The following RIMS2 variants were observed in gnomAD, a reference collection of about 807,000 sequenced individuals.
RIMS2 encodes regulating synaptic membrane exocytosis 2, also known as regulating synaptic membrane exocytosis protein 2.
Under a neutral mutation model 174.4 loss-of-function variants are expected in RIMS2, and 59 were observed. The ratio of observed to expected loss-of-function variants is 0.34; its 90% CI spans 0.27 to 0.42. RIMS2 has a LOEUF of 0.42. Ranked by LOEUF, RIMS2 falls within the 10% of genes least tolerant of loss-of-function variation. The pLI is 1.00. For missense variants in RIMS2, 1,620 were observed against 1,666.3 expected, an observed-to-expected ratio of 0.97 and a Z score of 0.48; for synonymous variants, 606 against 572.5, an observed-to-expected ratio of 1.06 and a Z score of -0.84.
chr8:103,789,578 G>A (rs1405368314), intron 3 of RIMS2, among the ~76,000 whole-genome samples: 1 of 152,136 alleles, frequency 6.6e-6, no homozygotes, highest in Non-Finnish European at 1.5e-5. Context: ...CAAGGGGAGG[G>A]ATGATGACCA....
intron 19 of RIMS2, among the ~76,000 whole-genome samples, chr8:104,226,292 T>C (rs1157328628): frequency 6.6e-6 from 1 of 152,160 alleles, no homozygotes; most frequent in Non-Finnish European, 1.5e-5. Flanking sequence ...GCTAGTCTCT[T>C]TTTTTTATTC....
At chr8:103,747,207 G>A (rs373651638) in intron 2 of RIMS2, among the ~76,000 whole-genome samples, 103 of 150,296 alleles carry the variant, frequency 6.9e-4, no homozygotes, top group African/African-American at 2.4e-3. Context: ...TCGTCATCTA[G>A]CATTAGGTAT....
chr8:103,846,866 G>A (rs1248442481), intron 3 of RIMS2, among the ~76,000 whole-genome samples: 2 of 152,012 alleles, frequency 1.3e-5, no homozygotes, highest in African/African-American at 4.8e-5. Flanking sequence ...CCTCATCCCT[G>A]CAGAGTCTGA....
intron 13 of RIMS2, among the ~76,000 whole-genome samples, chr8:103,939,376 C>T (rs2082024879): frequency 6.6e-6 from 1 of 152,186 alleles, no homozygotes; most frequent in Non-Finnish European, 1.5e-5. Flanking sequence ...CAAGCTGTAG[C>T]TTGGCTCCTT....
At chr8:104,012,209 A>G (rs538589331) in intron 17 of RIMS2, among the ~76,000 whole-genome samples, 79 of 152,140 alleles carry the variant, frequency 5.2e-4, no homozygotes, top group African/African-American at 1.8e-3. Flanking sequence ...ATGTTACCCT[A>G]TGACTTTAAA....
chr8:103,723,540 T>C (rs114231712), intron 2 of RIMS2, among the ~76,000 whole-genome samples: 1,793 of 152,266 alleles, frequency 0.012, 40 homozygotes, highest in African/African-American at 0.042. Flanking sequence ...GTGTGTGGCC[T>C]GTAGTCTGCA....
chr8:103,741,100 A>G (rs4734728), intron 2 of RIMS2, among the ~76,000 whole-genome samples: 3 of 151,942 alleles, frequency 2.0e-5, no homozygotes, highest in African/African-American at 7.2e-5. Context: ...TTAATACACA[A>G]TTGTTTAAAA....
intron 18 of RIMS2, among the ~76,000 whole-genome samples, chr8:104,014,130 G>A (rs1034755265): frequency 1.3e-5 from 2 of 152,054 alleles, no homozygotes; most frequent in African/African-American, 4.8e-5. Flanking sequence ...AAAAATCTCT[G>A]GATCAAGGGA....
intron 1 of RIMS2, among the ~76,000 whole-genome samples, chr8:103,664,380 T>G (rs1205762288): frequency 6.6e-6 from 1 of 152,202 alleles, no homozygotes. Context: ...TCTACCCATC[T>G]GACAAAGGGC....
Position 104,248,561 on chromosome 8 carries a change from TG to T in RIMS2, c.3477-137del, listed in dbSNP as rs1203437408. ...AAGGAAGAGTCCTGGGAGGTGGAAC[TG>T]GGTATTTGGATCCAGTAAATATAAG... is the stretch of plus-strand genomic sequence containing the variant. On this transcript the variant is annotated intron_variant, in intron 20 of 23. Transcript: ENST00000504942. 4 of 620,796 alleles carry T rather than the reference TG, an allele frequency of 6.4e-6. No homozygotes were observed. In the Admixed American group the frequency reaches 1.1e-4, roughly 16 times the overall value. 38.5% of individuals were successfully genotyped at this position (620,796 alleles called of 1,614,324 possible). A position where few individuals can be genotyped will look rare whatever the true frequency, so the allele number is the denominator to read the frequency against.
intron 1 of RIMS2, among the ~76,000 whole-genome samples, chr8:103,592,778 A>G (rs1242332978): frequency 6.6e-6 from 1 of 151,476 alleles, no homozygotes; most frequent in Non-Finnish European, 1.5e-5. Flanking sequence ...CACAAGACAC[A>G]TGCAGAAAAT....
intron 4 of RIMS2, among the ~76,000 whole-genome samples, chr8:103,898,203 TATA>T: frequency 6.6e-6 from 1 of 151,764 alleles, no homozygotes; most frequent in Non-Finnish European, 1.5e-5. Context: ...AGACTTCAAA[TATA>T]ATTACTACTT....
At chr8:104,165,539 T>TGTA (rs2098791820) in intron 19 of RIMS2, among the ~76,000 whole-genome samples, 1 of 152,164 alleles carries the variant, frequency 6.6e-6, no homozygotes, top group African/African-American at 2.4e-5. Context: ...ATGCTGTCTC[T>TGTA]GTACCTCATT....
At chr8:103,636,788 A>G (rs13275342) in intron 1 of RIMS2, among the ~76,000 whole-genome samples, 5 of 43,586 alleles carry the variant, frequency 1.1e-4, no homozygotes, top group Admixed American at 2.7e-4. Flanking sequence ...CCACCCCCGC[A>G]CCCCCCCCCC....
Position 103,818,087 on chromosome 8 carries a change from A to G in RIMS2, c.698+51550A>G, listed in dbSNP as rs187512283. ...ATAATTGAACATCTTATTTTAAAAA[A>G]TGGTTGTTTAAAAATTTATATTATT... On this transcript the variant is annotated intron_variant, in intron 3 of 23. Coordinates refer to ENST00000504942, the Ensembl canonical transcript of RIMS2. Among the ~76,000 whole-genome samples the G allele has an allele frequency of 8.7e-4, 133 of 152,206 alleles. No homozygotes were observed. In the Middle Eastern group the frequency reaches 0.02, roughly 23 times the overall value.
At chr8:104,078,773 T>C (rs1189353959) in intron 19 of RIMS2, among the ~76,000 whole-genome samples, 1 of 152,214 alleles carries the variant, frequency 6.6e-6, no homozygotes, top group Non-Finnish European at 1.5e-5. Context: ...TGCTTTGAAC[T>C]TTTTATTTCT....
chr8:103,742,387 A>G (rs1369605198), intron 2 of RIMS2, among the ~76,000 whole-genome samples: 1 of 152,130 alleles, frequency 6.6e-6, no homozygotes, highest in Non-Finnish European at 1.5e-5. Context: ...CTAGAACCAT[A>G]TGTACATAAT....
chr8:103,596,795 A>G (rs1420961655), intron 1 of RIMS2, among the ~76,000 whole-genome samples: 1 of 152,072 alleles, frequency 6.6e-6, no homozygotes, highest in Non-Finnish European at 1.5e-5. Context: ...ATAAGAAAAA[A>G]GAATAAAAAC....
At chr8:104,074,336 C>T (rs901693917) in intron 19 of RIMS2, among the ~76,000 whole-genome samples, 3 of 152,082 alleles carry the variant, frequency 2.0e-5, no homozygotes, top group African/African-American at 7.2e-5. Context: ...ATCTATTAAA[C>T]AAGGTTTTGG....
Sources: gnomAD v4.1 joint callset for allele counts (sites outside exome capture counted in the v4.1 genomes callset) on GRCh38, gnomAD v4.1.1 for gene constraint, MANE v1.5 for transcripts, NCBI Gene and HGNC (gene_info 2026-07-23, HGNC 2026-07-21) for gene names.